Variants in ARHGAP45 observed in about 807,000 individuals in gnomAD.
ARHGAP45 encodes the protein Rho GTPase activating protein 45.
In ARHGAP45, 56 loss-of-function variants were observed where a neutral mutation model predicts 116.1. The ratio of observed to expected loss-of-function variants is 0.48; its 90% CI spans 0.39 to 0.60. The LOEUF (loss-of-function observed/expected upper bound fraction) is 0.60. ARHGAP45 is among the 20% of genes least tolerant of loss of function. ARHGAP45 has a pLI of 0.00. For synonymous variants in ARHGAP45, 866 were observed against 701.7 expected (o/e 1.23, Z -3.70); for missense variants, 1,622 against 1,601.0 (o/e 1.01, Z -0.22).
At chr19:1,085,612 T>A in intron 22 of ARHGAP45, 48 bp from the exon 23 acceptor site, 4 of 1,380,120 alleles carry the variant, frequency 2.9e-6, no homozygotes, top group Non-Finnish European at 3.9e-6. Context: ...TTGTCTCTCC[T>A]CCATCTCTCC....
chr19:1,086,283 G>A lies in ARHGAP45; in HGVS notation c.*277G>A. ...CGTGTGAAGTCACAGTGGCCTTGTT[G>A]GTGCCCACAGGGCTGTGTGGATGGA... On this transcript the variant is annotated 3_prime_UTR_variant, in exon 23 of 23. Transcript: ENST00000313093. 2 of 439,284 alleles carry A rather than the reference G, an allele frequency of 4.6e-6. No individual in the cohort carries two copies. Among genetic ancestry groups the A allele is most frequent in the South Asian group, 2.7e-5 (1 of 37,620 alleles). 27.2% of individuals were successfully genotyped at this position (439,284 alleles called of 1,614,324 possible). A position where few individuals can be genotyped will look rare whatever the true frequency, so the allele number is the denominator to read the frequency against.
chr19:1,085,469 G>A (rs527836737), intron 22 of ARHGAP45, among the ~76,000 whole-genome samples, 191 bp from the exon 23 acceptor site: 6 of 145,558 alleles, frequency 4.1e-5, no homozygotes, highest in Admixed American at 6.9e-5. Flanking sequence ...CCTCCTCCCC[G>A]CCATGTCTCT....
At chr19:1,077,390 T>G (rs2043280185) in intron 10 of ARHGAP45, 1 of 985,564 alleles carries the variant, frequency 1.0e-6, no homozygotes, top group Non-Finnish European at 1.2e-6. Flanking sequence ...TTTTTTTTTT[T>G]TTTTGAGCTG....
In ARHGAP45 at chr19:1,079,728, G is replaced by T. The variant is rs143010365; in HGVS notation, c.1400G>T (p.Arg467Leu). The stretch of plus-strand genomic sequence containing the variant: ...GCGGAGGAAGCTATGGCCACCTACC[G>T]CACCTGCGTGGCCGACGCGAAGACG... ...NKAEEAMATY[R>L]TCVADAKTQK... The change falls in exon 12 of 23, where the codon CGC becomes CTC. Residue 467 changes from arginine to leucine, a missense_variant. Arg to Leu is a moderately radical substitution (Grantham distance 102). This residue lies in a region of ARHGAP45 where 1,334 missense variants were observed against 1,263.8 expected (regional missense o/e 1.06). Transcript: ENST00000313093. 7.6e-5 allele frequency: 122 copies of T among 1,612,454 alleles called. No homozygotes were observed. In the African/African-American group the frequency reaches 1.3e-3, roughly 17 times the overall value.
At position 1,067,304 on chromosome 19, in the gene ARHGAP45, G is replaced by A; in HGVS notation, c.-102G>A. 1 of 1,428,002 alleles carries A rather than the reference G, an allele frequency of 7.0e-7. No individual in the cohort carries two copies. The highest frequency in any genetic ancestry group is 9.2e-7 in the Non-Finnish European group (1 of 1,092,636). 88.5% of individuals were successfully genotyped at this position (1,428,002 alleles called of 1,614,324 possible). A position where few individuals can be genotyped will look rare whatever the true frequency, so the allele number is the denominator to read the frequency against. On this transcript the variant is annotated 5_prime_UTR_variant, in exon 1 of 23. Transcript: ENST00000313093. The stretch of plus-strand genomic sequence containing the variant: ...GTCACGTGGGCCTGACAGCTGGGGA[G>A]GGGGTGGCCGGCGACAATGTGGTCC...
rs201914573 is a variant in ARHGAP45, at chr19:1,073,130, C to T, written c.422-19C>T. On this transcript the variant is annotated intron_variant, in intron 2 of 22. Coordinates refer to ENST00000313093, the MANE Select transcript of ARHGAP45 (RefSeq NM_012292.5). ...GGACTGGGCCCTACCCCACTGCTCA[C>T]TCCGACTCTCCCCAGCAGACCTCCT... is the stretch of plus-strand genomic sequence containing the variant. 8.8e-6 allele frequency: 14 copies of T among 1,598,060 alleles called. 1 individual carries two copies. The highest frequency in any genetic ancestry group is 3.4e-6 in the Non-Finnish European group (4 of 1,178,486).
chr19:1,086,109 G>A lies in ARHGAP45; in HGVS notation c.*103G>A. ...CATAGCTTAGGTGCGCCGTCCTGGG[G>A]TCGCTGCCGAGAGCGCCTGGACTTC... On this transcript the variant is annotated 3_prime_UTR_variant, in exon 23 of 23. Coordinates refer to ENST00000313093, the MANE Select transcript of ARHGAP45 (RefSeq NM_012292.5). 1 of 1,119,034 alleles carries A rather than the reference G, an allele frequency of 8.9e-7. No homozygotes were observed. Among genetic ancestry groups the A allele is most frequent in the Non-Finnish European group, 1.3e-6 (1 of 787,390 alleles). The allele number at this position is 1,119,034 out of a possible 1,614,324, so 69.3% of individuals were successfully genotyped here. A position where few individuals can be genotyped will look rare whatever the true frequency, so the allele number is the denominator to read the frequency against.
At chr19:1,079,188 A>G (rs1161474587) in intron 11 of ARHGAP45, among the ~76,000 whole-genome samples, 1 of 149,336 alleles carries the variant, frequency 6.7e-6, no homozygotes, top group Non-Finnish European at 1.5e-5. Context: ...TCAAAAAAAA[A>G]AAAAAATTCT....
chr19:1,066,684 G>C (rs2043037438), upstream of ARHGAP45: 1 of 157,584 alleles, frequency 6.3e-6, no homozygotes, highest in African/African-American at 2.4e-5. Context: ...TTTGCCCCCA[G>C]GGTTTCGGTT....
rs760322013 is a variant in ARHGAP45 at position 1,068,441 on chromosome 19, G to A, written c.118G>A (p.Ala40Thr). 19 of 1,576,642 alleles carry A rather than the reference G, an allele frequency of 1.2e-5. No individual in the cohort carries two copies. Among genetic ancestry groups the A allele is most frequent in the Admixed American group, 5.4e-5 (3 of 55,160 alleles). Residue 40 changes from alanine to threonine, a missense_variant, in exon 2 of 23, where the codon GCG becomes ACG. Ala to Thr is a moderately conservative substitution (Grantham distance 58, BLOSUM62 0). Coordinates refer to ENST00000313093, the MANE Select transcript of ARHGAP45 (RefSeq NM_012292.5). The surrounding 1 kb of genome is among the most constrained non-coding windows in gnomAD (Gnocchi z 7.5). Reference sequence around the variant, plus strand: ...GCTGCCCAGGAAGGATGGGGCTGACGCGGTGTTCCCCGGACCAAGCCTGGA... The same window carrying A: ...GCTGCCCAGGAAGGATGGGGCTGACACGGTGTTCCCCGGACCAAGCCTGGA... The part of the protein sequence containing the change: ...GELPRKDGAD[A>T]VFPGPSLEPP...
rs745695155 is a variant in ARHGAP45, at chr19:1,079,962, A to G, written c.1547A>G (p.Gln516Arg). 1.2e-6 allele frequency: 2 copies of G among 1,612,530 alleles called. No homozygotes were observed. The highest frequency in any genetic ancestry group is 1.1e-5 in the South Asian group (1 of 91,086). ...TCCTACTACCAGATGATGCATATGC[A>G]GACGGCGCCGCTGCCCGTGCACTTC... The part of the protein sequence containing the change: ...TISYYQMMHM[Q>R]TAPLPVHFQM... The change falls in exon 13 of 23, where the codon CAG becomes CGG. Residue 516 changes from glutamine to arginine, a missense_variant. Transcript: ENST00000313093.
chr19:1,073,635 C>A (rs749300530), intron 4 of ARHGAP45, 39 bp from the exon 5 acceptor site: 22 of 1,611,136 alleles, frequency 1.4e-5, no homozygotes, highest in African/African-American at 2.7e-5. Flanking sequence ...GCGTGGGGGG[C>A]CCGGGTGTCT....
At chr19:1,077,242 G>A in intron 10 of ARHGAP45, 1 of 985,422 alleles carries the variant, frequency 1.0e-6, no homozygotes, top group Non-Finnish European at 1.2e-6. Flanking sequence ...GGGGGCTGGT[G>A]TGCGTGTCTG....
chr19:1,067,197 A>G lies in ARHGAP45; in HGVS notation c.-209A>G. 3 of 1,304,358 alleles carry G rather than the reference A, an allele frequency of 2.3e-6. No homozygotes were observed. The highest frequency in any genetic ancestry group is 2.9e-6 in the Non-Finnish European group (3 of 1,028,716). The allele number at this position is 1,304,358 out of a possible 1,614,324, so 80.8% of individuals were successfully genotyped here. ...GCAGAGCCGCAGGCTGAGGCCGGGAAGGGTCGGGGGCGAGGCCGCGTCGCC... is the reference window on the plus strand; with the variant it reads ...GCAGAGCCGCAGGCTGAGGCCGGGAGGGGTCGGGGGCGAGGCCGCGTCGCC... On this transcript the variant is annotated 5_prime_UTR_variant, in exon 1 of 23. Coordinates refer to ENST00000313093, the MANE Select transcript of ARHGAP45 (RefSeq NM_012292.5).
At chr19:1,070,912 C>T (rs991794925) in intron 2 of ARHGAP45, among the ~76,000 whole-genome samples, 1 of 152,180 alleles carries the variant, frequency 6.6e-6, no homozygotes, top group Non-Finnish European at 1.5e-5. Flanking sequence ...CTCTAGGTGT[C>T]AGGTGACTTA....
chr19:1,085,863 G>A lies in ARHGAP45; in HGVS notation c.3268G>A (p.Glu1090Lys), dbSNP rs746762048. 59 of 1,612,574 alleles carry A rather than the reference G, an allele frequency of 3.7e-5. No homozygotes were observed. The highest frequency in any genetic ancestry group is 6.7e-5 in the Admixed American group (4 of 60,006). Residue 1090 changes from glutamate (E) to lysine (K), a missense_variant, in exon 23 of 23, where the codon GAG (glutamate) becomes AAG (lysine). Coordinates refer to ENST00000313093, the MANE Select transcript of ARHGAP45 (RefSeq NM_012292.5). ...AGCCCGGGAGGACGGGGACGGGGACGAGGACGGCCCGGCCCAGCAGCTCTC... is the reference window on the plus strand; with the variant it reads ...AGCCCGGGAGGACGGGGACGGGGACAAGGACGGCCCGGCCCAGCAGCTCTC... ...ATAREDGDGDEDGPAQQLSGF... is the reference protein window; with the variant it reads ...ATAREDGDGDKDGPAQQLSGF...
chr19:1,073,829 C>T, intron 5 of ARHGAP45, 83 bp downstream of exon 5: 1 of 1,534,610 alleles, frequency 6.5e-7, no homozygotes, highest in Middle Eastern at 2.1e-4. Context: ...GACAGTCACC[C>T]TGCTTCCCCT....
intron 11 of ARHGAP45, among the ~76,000 whole-genome samples, 184 bp downstream of exon 11, chr19:1,078,229 C>T (rs1013759073): frequency 2.6e-5 from 4 of 151,842 alleles, no homozygotes; most frequent in Admixed American, 6.6e-5. Flanking sequence ...CTGCAAGCTC[C>T]GCCTCCCGGG....
rs2043612525 is a variant in ARHGAP45, at chr19:1,085,781, C to T, written c.3186C>T (p.Ala1062=). Residue 1062 remains alanine, a synonymous_variant, in exon 23 of 23, where the codon GCC becomes GCT. Coordinates refer to ENST00000313093, the MANE Select transcript of ARHGAP45 (RefSeq NM_012292.5). ...LSFLEQQQSE[A]SLEVASGSHS... ...TCCTGGAGCAGCAGCAGAGCGAGGC[C>T]AGCCTAGAGGTGGCTTCTGGCAGCC... 6.2e-7 allele frequency: 1 copy of T among 1,612,830 alleles called. No homozygotes were observed. The highest frequency in any genetic ancestry group is 8.5e-7 in the Non-Finnish European group (1 of 1,179,908).
Sources: gnomAD v4.1 joint callset for allele counts (sites outside exome capture counted in the v4.1 genomes callset) on GRCh38, gnomAD v4.1.1 for gene constraint, gnomAD v4.1.1 regional missense constraint, Gnocchi (gnomAD v3.1) non-coding constraint, MANE v1.5 for transcripts, NCBI Gene and HGNC (gene_info 2026-07-23, HGNC 2026-07-21) for gene names.